Variants in TSC2 observed in about 807,000 individuals in gnomAD.
TSC2 encodes tuberin.
Under a neutral mutation model 202.2 loss-of-function variants are expected in TSC2, and 29 were observed. That is an observed-to-expected ratio of 0.14 (90% CI 0.11 to 0.20). TSC2 has a LOEUF of 0.20. Ranked by LOEUF, TSC2 falls within the 10% of genes least tolerant of loss-of-function variation. TSC2 has a pLI of 1.00. For synonymous variants in TSC2, 1,349 were observed against 1,044.0 expected (o/e 1.29, Z -5.63); for missense variants, 2,429 against 2,420.0 (o/e 1.00, Z -0.08).
In TSC2 at chr16:2,070,446, C is replaced by G. The variant is rs377168627; in HGVS notation, c.1717-10C>G. 1.2e-6 allele frequency: 2 copies of G among 1,613,374 alleles called. No homozygotes were observed. Among genetic ancestry groups the G allele is most frequent in the Non-Finnish European group, 1.7e-6 (2 of 1,180,034 alleles). On this transcript the variant is annotated splice_polypyrimidine_tract_variant and intron_variant, in intron 16 of 41. Transcript: ENST00000219476. Reference sequence around the variant, plus strand: ...CCTGCGCCGTGGTGAGCTGCGTCCTCTCTCTGCAGACCAAGCTGTACACCC... The same window carrying G: ...CCTGCGCCGTGGTGAGCTGCGTCCTGTCTCTGCAGACCAAGCTGTACACCC...
At chr16:2,066,651 C>CTTTTT (rs34619573) in intron 16 of TSC2, among the ~76,000 whole-genome samples, 21 of 98,458 alleles carry the variant, frequency 2.1e-4, no homozygotes, top group South Asian at 3.6e-4. Context: ...TCTGATTTAT[C>CTTTTT]TTTTTTTTTT....
intron 21 of TSC2, 93 bp from the exon 22 acceptor site, chr16:2,074,107 G>A: frequency 2.6e-6 from 4 of 1,537,402 alleles, no homozygotes; most frequent in Non-Finnish European, 3.5e-6. Context: ...AGCCTCGGCT[G>A]TTCTCCCGGT....
chr16:2,063,705 C>T (rs1158042736), intron 14 of TSC2: 1 of 229,454 alleles, frequency 4.4e-6, no homozygotes, highest in Non-Finnish European at 8.7e-6. Context: ...TGCGATCCCG[C>T]ATTCTGTCTG....
intron 4 of TSC2, 134 bp downstream of exon 4, chr16:2,053,586 G>A (rs2085394367): frequency 1.1e-6 from 1 of 918,280 alleles, no homozygotes; most frequent in Non-Finnish European, 1.7e-6. Context: ...GGGCTCTGGA[G>A]CTGGATGGCC....
At chr16:2,066,985 C>G (rs891901377) in intron 16 of TSC2, among the ~76,000 whole-genome samples, 1 of 152,058 alleles carries the variant, frequency 6.6e-6, no homozygotes, top group East Asian at 1.9e-4. Flanking sequence ...CAAAGCCTCA[C>G]AGCATCACTT....
At chr16:2,050,247 G>A (rs77414005) in intron 2 of TSC2, among the ~76,000 whole-genome samples, 153 bp from the exon 3 acceptor site, 4 of 152,132 alleles carry the variant, frequency 2.6e-5, no homozygotes, top group Admixed American at 6.5e-5. Flanking sequence ...CTGAGCCACC[G>A]CGGCTCGTCA....
chr16:2,057,222 G>A (rs1047683478), intron 9 of TSC2, 44 bp downstream of exon 9: 16 of 1,548,948 alleles, frequency 1.0e-5, no homozygotes, highest in Non-Finnish European at 1.4e-5. Flanking sequence ...GGCCAGCACA[G>A]CCCTCGGGGC....
At chr16:2,080,743 C>T (rs925266570) in intron 30 of TSC2, 10 of 275,736 alleles carry the variant, frequency 3.6e-5, no homozygotes, top group Non-Finnish European at 7.1e-5. Flanking sequence ...CTTGGCCTCC[C>T]AAAGTGCTGG....
intron 3 of TSC2, among the ~76,000 whole-genome samples, chr16:2,052,878 C>T (rs888937828): frequency 6.6e-6 from 1 of 152,132 alleles, no homozygotes. Flanking sequence ...CGGGCAGGGG[C>T]ATGGGGTCGA....
At chr16:2,078,984 G>GC (rs1567495322) in intron 26 of TSC2, 48 bp from the exon 27 acceptor site, 1 of 1,609,520 alleles carries the variant, frequency 6.2e-7, no homozygotes, top group Non-Finnish European at 8.5e-7. Context: ...AGGTGGCTCG[G>GC]CCCGCCCTAC....
At chr16:2,082,568 T>C (rs2151494677) in intron 32 of TSC2, 64 bp downstream of exon 32, 1 of 1,573,672 alleles carries the variant, frequency 6.4e-7, no homozygotes, top group Non-Finnish European at 8.7e-7. Context: ...GGTGCTGTGC[T>C]CGTCGCCTCA....
rs1326456430 is a variant in TSC2 at position 2,078,703 on chromosome 16, C to T, written c.2967-329C>T. 1.7e-5 allele frequency: 7 copies of T among 414,874 alleles called. No homozygotes were observed. In the East Asian group the frequency reaches 3.1e-4, roughly 18 times the overall value. 25.7% of individuals were successfully genotyped at this position (414,874 alleles called of 1,614,324 possible). A position where few individuals can be genotyped will look rare whatever the true frequency, so the allele number is the denominator to read the frequency against. On this transcript the variant is annotated intron_variant, in intron 26 of 41. Coordinates refer to ENST00000219476, the MANE Select transcript of TSC2 (RefSeq NM_000548.5). ...TGCAATCTGGGCCTGTCTGTGTGGC[C>T]TCCGCCTCTCTGCATGACTACACCG...
At chr16:2,084,154 C>A in intron 33 of TSC2, 74 bp from the exon 34 acceptor site, 1 of 1,549,286 alleles carries the variant, frequency 6.5e-7, no homozygotes, top group Non-Finnish European at 8.7e-7. Flanking sequence ...AGGGCCTCAC[C>A]ACCTCCAGGT....
intron 4 of TSC2, chr16:2,053,891 C>T (rs2085437707): frequency 2.2e-6 from 1 of 458,208 alleles, no homozygotes; most frequent in African/African-American, 2.0e-5. Context: ...GCCACTTCTA[C>T]TCCTTCATGT....
rs1298892692 is a variant in TSC2, at chr16:2,079,297, C to T, written c.3153C>T (p.Leu1051=). ...VPKRSPVGEF[L]LAGGRTKTWL... ...CTAGGTCTCCTGTGGGCGAGTTCCT[C>T]CTAGCGGGTGGCAGGACCAAAACCT... Residue 1051 remains leucine, a synonymous_variant, in exon 28 of 42, where the codon CTC becomes CTT. Coordinates refer to ENST00000219476, the MANE Select transcript of TSC2 (RefSeq NM_000548.5). This position sits in a 1 kb window ranked among gnomAD's most constrained non-coding sequence, Gnocchi z 4.6. 3 of 1,613,030 alleles carry T rather than the reference C, an allele frequency of 1.9e-6. No homozygotes were observed. In the South Asian group the frequency reaches 3.3e-5, roughly 18 times the overall value.
At position 2,086,396 on chromosome 16, in the gene TSC2, A is replaced by AC. The variant is rs761594826; in HGVS notation, c.4849+20dup. On this transcript the variant is annotated intron_variant, in intron 37 of 41. Transcript: ENST00000219476. ...TCATGCAAGGTACGGCCTGGCGCCT[A>AC]CCCGCTCCTGCTGCCCCAGGCCTCA... 1 of 1,609,436 alleles carries AC rather than the reference A, an allele frequency of 6.2e-7. No individual in the cohort carries two copies. The highest frequency in any genetic ancestry group is 1.1e-5 in the South Asian group (1 of 90,620).
intron 31 of TSC2, 56 bp downstream of exon 31, chr16:2,081,854 C>G: frequency 6.3e-7 from 1 of 1,587,556 alleles, no homozygotes; most frequent in Non-Finnish European, 8.6e-7. Context: ...CTGGTGCTCC[C>G]GGTGACGGCA....
At chr16:2,053,110 G>T (rs2085327768) in intron 3 of TSC2, among the ~76,000 whole-genome samples, 1 of 152,182 alleles carries the variant, frequency 6.6e-6, no homozygotes, top group African/African-American at 2.4e-5. Context: ...TCACCTGGTG[G>T]GAGTTAAAGG....
chr16:2,087,787 T>C lies in TSC2; in HGVS notation c.4990-76T>C, dbSNP rs1329071557. ...CATGGAGCTGACAGGTGTCTAGCAGTGCAACCAGGCAGTAGCCGAGATCAG... is the reference window on the plus strand; with the variant it reads ...CATGGAGCTGACAGGTGTCTAGCAGCGCAACCAGGCAGTAGCCGAGATCAG... On this transcript the variant is annotated intron_variant, in intron 38 of 41. Transcript: ENST00000219476. 8 of 1,549,122 alleles carry C rather than the reference T, an allele frequency of 5.2e-6. No homozygotes were observed. In the Admixed American group the frequency reaches 1.3e-4, roughly 25 times the overall value.
Sources: gnomAD v4.1 joint callset for allele counts (sites outside exome capture counted in the v4.1 genomes callset) on GRCh38, gnomAD v4.1.1 for gene constraint, Gnocchi (gnomAD v3.1) non-coding constraint, MANE v1.5 for transcripts, NCBI Gene and HGNC (gene_info 2026-07-23, HGNC 2026-07-21) for gene names.